Variants in CFHR5 observed in about 807,000 individuals in gnomAD.
CFHR5 encodes complement factor H related 5.
A neutral mutation model predicts 62.9 loss-of-function variants in CFHR5; 73 were observed. The ratio of observed to expected loss-of-function variants is 1.16; its 90% CI spans 0.96 to 1.41. The LOEUF (loss-of-function observed/expected upper bound fraction) is 1.41, where lower values mean the gene tolerates loss of function less well. CFHR5 is among the 40% of genes most tolerant of loss of function. CFHR5 has a pLI of 0.00. For missense variants in CFHR5, 779 were observed against 679.9 expected, an observed-to-expected ratio of 1.15 and a Z score of -1.62; for synonymous variants, 249 against 227.2, an observed-to-expected ratio of 1.10 and a Z score of -0.86.
At position 196,996,056 on chromosome 1, in the gene CFHR5, C is replaced by T. The variant is rs775498155; in HGVS notation, c.825C>T (p.Leu275=). Residue 275 remains leucine (L), a synonymous_variant, in exon 6 of 10, where the codon CTC becomes CTT. Coordinates refer to ENST00000256785, the MANE Select transcript of CFHR5 (RefSeq NM_030787.4). ...QVKTCGYIPE[L]EYGYVQPSVP... Reference sequence around the variant, plus strand: ...AAACATGTGGATACATACCTGAACTCGAGTACGGTTATGTTCAGCCGTCTG... The same window carrying T: ...AAACATGTGGATACATACCTGAACTTGAGTACGGTTATGTTCAGCCGTCTG... 31 of 1,613,694 alleles carry T rather than the reference C, an allele frequency of 1.9e-5. No individual in the cohort carries two copies. The highest frequency in any genetic ancestry group is 4.0e-5 in the African/African-American group (3 of 74,860).
At chr1:196,992,920 C>T (rs1453090554) in intron 3 of CFHR5, among the ~76,000 whole-genome samples, 1 of 152,032 alleles carries the variant, frequency 6.6e-6, no homozygotes, top group Non-Finnish European at 1.5e-5. Context: ...TTAGTTAGAA[C>T]ATATTTCAAT....
Position 197,008,725 on chromosome 1 carries a change from C to G in CFHR5, c.*42C>G. On this transcript the variant is annotated 3_prime_UTR_variant, in exon 10 of 10. Coordinates refer to ENST00000256785, the MANE Select transcript of CFHR5 (RefSeq NM_030787.4). ...CTGAATATATTCTTCAAACATCCAT[C>G]TATGCTAAAAGTAGCCATTATGTAG... 6.6e-7 allele frequency: 1 copy of G among 1,519,956 alleles called. No homozygotes were observed. Among genetic ancestry groups the G allele is most frequent in the Non-Finnish European group, 9.1e-7 (1 of 1,095,184 alleles). 94.2% of individuals were successfully genotyped at this position (1,519,956 alleles called of 1,614,324 possible). A position where few individuals can be genotyped will look rare whatever the true frequency, so the allele number is the denominator to read the frequency against.
intron 8 of CFHR5, 152 bp downstream of exon 8, chr1:197,002,816 A>G (rs1654189495): frequency 1.5e-6 from 1 of 656,738 alleles, no homozygotes. Flanking sequence ...TCATTTAAAA[A>G]AGTTTCTCTA....
At chr1:196,979,637 G>T (rs992795456) in intron 1 of CFHR5, among the ~76,000 whole-genome samples, 2 of 152,158 alleles carry the variant, frequency 1.3e-5, no homozygotes, top group Non-Finnish European at 2.9e-5. Context: ...GTCACTGAGT[G>T]AGTGGTGTGC....
intron 1 of CFHR5, among the ~76,000 whole-genome samples, chr1:196,982,193 T>G (rs916657987): frequency 1.7e-4 from 26 of 152,032 alleles, no homozygotes; most frequent in Admixed American, 6.6e-4. Context: ...GAAAAAGAAA[T>G]AAATCTGAGA....
chr1:196,979,423 G>A (rs547807606), intron 1 of CFHR5, among the ~76,000 whole-genome samples: 10 of 152,070 alleles, frequency 6.6e-5, no homozygotes, highest in African/African-American at 9.6e-5. Context: ...TAAGCTATAC[G>A]GCCTGTCACT....
chr1:196,979,568 A>T (rs963532807), intron 1 of CFHR5, among the ~76,000 whole-genome samples: 1 of 152,108 alleles, frequency 6.6e-6, no homozygotes, highest in African/African-American at 2.4e-5. Context: ...AGAATGGCAG[A>T]CTTGTATAGG....
At chr1:196,998,578 A>G (rs922711123) in intron 7 of CFHR5, among the ~76,000 whole-genome samples, 7 of 152,050 alleles carry the variant, frequency 4.6e-5, no homozygotes, top group Non-Finnish European at 8.8e-5. Flanking sequence ...CTGTAAAAAA[A>G]GAACAAAACT....
Position 197,004,799 on chromosome 1 carries a change from T to C in CFHR5, c.1469T>C (p.Val490Ala), listed in dbSNP as rs1654242714. The change falls in exon 9 of 10, where the codon GTA (valine) becomes GCA (alanine). Residue 490 changes from valine (V) to alanine (A), a missense_variant. Physicochemically the swap from Val to Ala is moderately conservative, Grantham distance 64 (BLOSUM62 0). Transcript: ENST00000256785. ...TATAAACTCCAGGGCTCTGTAACTG[T>C]AACATGCAGAAATAAACAGTGGTCA... is the stretch of plus-strand genomic sequence containing the variant. The part of the protein sequence containing the change: ...SFYKLQGSVT[V>A]TCRNKQWSEP... The C allele has an allele frequency of 1.9e-6, 3 of 1,613,812 alleles. No homozygotes were observed. The highest frequency in any genetic ancestry group is 3.3e-5 in the Admixed American group (2 of 59,998).
At chr1:196,976,998 CG>C (rs1558279948), upstream of CFHR5, among the ~76,000 whole-genome samples, 1 of 151,270 alleles carries the variant, frequency 6.6e-6, no homozygotes, top group Non-Finnish European at 1.5e-5. Context: ...TCAGTAGAGA[CG>C]GGTTTCACCG....
Position 196,995,733 on chromosome 1 carries a change from T to C in CFHR5, c.624T>C (p.Cys208=), listed in dbSNP as rs776160345. 19 of 1,612,970 alleles carry C rather than the reference T, an allele frequency of 1.2e-5. No homozygotes were observed. The highest frequency in any genetic ancestry group is 6.7e-5 in the Admixed American group (4 of 59,962). ...TTATAATAGGACAAGTACGATCATGTGGTCCACCTCCTCAACTCTCCAATG... is the reference window on the plus strand; with the variant it reads ...TTATAATAGGACAAGTACGATCATGCGGTCCACCTCCTCAACTCTCCAATG... The part of the protein sequence containing the change: ...FPTCKGQVRS[C]GPPPQLSNGE... The change falls in exon 5 of 10, where the codon TGT becomes TGC. Residue 208 remains cysteine, a synonymous_variant. Coordinates refer to ENST00000256785, the MANE Select transcript of CFHR5 (RefSeq NM_030787.4).
chr1:197,002,727 C>A, intron 8 of CFHR5, 63 bp downstream of exon 8: 1 of 1,356,860 alleles, frequency 7.4e-7, no homozygotes, highest in South Asian at 1.2e-5. Context: ...TTTGCTTTAT[C>A]TAAAGAAAGA....
rs1428247213 is a variant in CFHR5 at position 197,004,769 on chromosome 1, C to T, written c.1439C>T (p.Ser480Phe). 1 of 1,613,538 alleles carries T rather than the reference C, an allele frequency of 6.2e-7. No individual in the cohort carries two copies. Among genetic ancestry groups the T allele is most frequent in the East Asian group, 2.2e-5 (1 of 44,862 alleles). The change falls in exon 9 of 10, where the codon TCC becomes TTC. Residue 480 changes from serine (S) to phenylalanine (F), a missense_variant. Ser to Phe is a radical substitution (Grantham distance 155). Transcript: ENST00000256785. ...PGSTVTYRCQ[S>F]FYKLQGSVTV... ...TCAACAGTGACGTACCGTTGCCAGT[C>T]CTTCTATAAACTCCAGGGCTCTGTA...
Position 197,008,897 on chromosome 1 carries a change from T to A in CFHR5, c.*214T>A, listed in dbSNP as rs1654364951. ...GAGGGTGTCTTAGTCCATATTACAT[T>A]GTTATAACAGAGTATCACAGACTGG... On this transcript the variant is annotated 3_prime_UTR_variant, in exon 10 of 10. Transcript: ENST00000256785. 1 of 530,648 alleles carries A rather than the reference T, an allele frequency of 1.9e-6. No individual in the cohort carries two copies. The highest frequency in any genetic ancestry group is 1.9e-5 in the African/African-American group (1 of 52,390). 32.9% of individuals were successfully genotyped at this position (530,648 alleles called of 1,614,324 possible).
intron 3 of CFHR5, among the ~76,000 whole-genome samples, chr1:196,985,220 C>G (rs1014833060): frequency 2.0e-5 from 3 of 152,018 alleles, no homozygotes; most frequent in African/African-American, 7.2e-5. Flanking sequence ...TAGAGCCAGG[C>G]ACAGTGATGT....
At position 197,004,677 on chromosome 1, in the gene CFHR5, T is replaced by G; in HGVS notation, c.1347T>G (p.Cys449Trp). The change falls in exon 9 of 10, where the codon TGT becomes TGG. Residue 449 changes from cysteine (C) to tryptophan (W), a missense_variant. Physicochemically the swap from Cys to Trp is radical, Grantham distance 215. Coordinates refer to ENST00000256785, the MANE Select transcript of CFHR5 (RefSeq NM_030787.4). ...LPRCVESTAY[C>W]GPPPSINNGD... The stretch of plus-strand genomic sequence containing the variant: ...GTTTTCCAGAGTCTACTGCATATTG[T>G]GGGCCCCCTCCATCTATTAACAATG... The G allele has an allele frequency of 6.2e-7, 1 of 1,613,490 alleles. No individual in the cohort carries two copies. The highest frequency in any genetic ancestry group is 8.5e-7 in the Non-Finnish European group (1 of 1,179,448).
chr1:196,998,390 T>C, intron 7 of CFHR5, 86 bp downstream of exon 7: 1 of 1,101,232 alleles, frequency 9.1e-7, no homozygotes, highest in Non-Finnish European at 1.4e-6. Flanking sequence ...TTAAATTAAA[T>C]ATTTATTGTG....
At chr1:196,995,290 A>G (rs1653959880) in intron 4 of CFHR5, among the ~76,000 whole-genome samples, 1 of 152,146 alleles carries the variant, frequency 6.6e-6, no homozygotes, top group Admixed American at 6.6e-5. Context: ...ATAAGATTGT[A>G]CTAAGAAAAT....
intron 7 of CFHR5, among the ~76,000 whole-genome samples, chr1:197,001,718 A>G (rs1654159951): frequency 9.8e-6 from 1 of 102,306 alleles, no homozygotes. Flanking sequence ...CCACCCCACA[A>G]CAGCCCCCGG....
Sources: allele counts gnomAD v4.1 joint callset (sites outside exome capture counted in the v4.1 genomes callset), GRCh38; gene constraint gnomAD v4.1.1; transcripts MANE v1.5; gene names NCBI Gene and HGNC (gene_info 2026-07-23, HGNC 2026-07-21).